SCN10A: variants seen among roughly 807,000 people sequenced by gnomAD.
The protein encoded by SCN10A is sodium voltage-gated channel alpha subunit 10, also known as sodium channel protein type 10 subunit alpha.
Under a neutral mutation model 170.7 loss-of-function variants are expected in SCN10A, and 162 were observed. That is an observed-to-expected ratio of 0.95 (90% confidence interval 0.84 to 1.08). The LOEUF is 1.08. SCN10A is among the 50% of genes least tolerant of loss of function. SCN10A has a pLI of 0.00. For missense variants in SCN10A, 2,527 were observed against 2,436.9 expected (o/e 1.04, Z -0.78); for synonymous variants, 985 against 904.6 (o/e 1.09, Z -1.59).
chr3:38,756,989 A>C, intron 9 of SCN10A, 29 bp downstream of exon 9: 1 of 1,603,208 alleles, frequency 6.2e-7, no homozygotes, highest in Non-Finnish European at 8.5e-7. Context: ...CCTCCAACCA[A>C]GTCTGCGTGG....
chr3:38,704,300 G>A (rs1000051769), intron 26 of SCN10A, among the ~76,000 whole-genome samples: 3 of 152,244 alleles, frequency 2.0e-5, no homozygotes, highest in African/African-American at 4.8e-5. Context: ...CCTGGGGCAG[G>A]AGGGGGATTG....
chr3:38,783,047 TCACA>T (rs2064157807), intron 4 of SCN10A, among the ~76,000 whole-genome samples: 1 of 152,218 alleles, frequency 6.6e-6, no homozygotes, highest in South Asian at 2.1e-4. Flanking sequence ...CCTTGTGTTC[TCACA>T]CAAAGGGGAG....
At chr3:38,806,263 G>A (rs934623432) in intron 1 of SCN10A, among the ~76,000 whole-genome samples, 1 of 152,198 alleles carries the variant, frequency 6.6e-6, no homozygotes, top group African/African-American at 2.4e-5. Context: ...AAACGAAGAT[G>A]AGGAGGATAA....
rs189504269 is a variant in SCN10A at position 38,793,383 on chromosome 3, C to T, written c.270+358G>A. On this transcript the variant is annotated intron_variant, in intron 2 of 27. Transcript: ENST00000449082. ...AATTCATCCTGCTTTCTGTCCTCACCGCCATGCTCCTCCCCCAACCTCAAG... is the reference window on the plus strand; with the variant it reads ...AATTCATCCTGCTTTCTGTCCTCACTGCCATGCTCCTCCCCCAACCTCAAG... Among the ~76,000 whole-genome samples, 448 of 152,188 alleles carry T rather than the reference C, an allele frequency of 2.9e-3. 2 individuals carry two copies. The highest frequency in any genetic ancestry group is 0.013 in the South Asian group (61 of 4,816).
chr3:38,710,525 AC>A (rs1206348354), intron 24 of SCN10A, among the ~76,000 whole-genome samples: 1 of 151,876 alleles, frequency 6.6e-6, no homozygotes, highest in African/African-American at 2.4e-5. Context: ...TTTAGCTACT[AC>A]CCTTGCTTTG....
chr3:38,713,814 G>T lies in SCN10A; in HGVS notation c.3804+144C>A, dbSNP rs1575940925. On this transcript the variant is annotated intron_variant, in intron 22 of 27. Transcript: ENST00000449082. ...TAGTGATTTTTGTACTTTTAGCAGA[G>T]ACAGGGTTTCGGCATGTTGGCCAGG... is the stretch of plus-strand genomic sequence containing the variant. The T allele has an allele frequency of 5.6e-6, 5 of 893,094 alleles. No individual in the cohort carries two copies. The East Asian group carries it at 1.3e-4, about 23-fold the overall frequency. The allele number at this position is 893,094 out of a possible 1,614,324, so 55.3% of individuals were successfully genotyped here. A position where few individuals can be genotyped will look rare whatever the true frequency, so the allele number is the denominator to read the frequency against.
At chr3:38,795,050 T>C (rs1363563739) in intron 1 of SCN10A, among the ~76,000 whole-genome samples, 2 of 152,172 alleles carry the variant, frequency 1.3e-5, no homozygotes, top group Non-Finnish European at 2.9e-5. Context: ...TCTCCTTGTC[T>C]GCCAGCTCTT....
At position 38,712,324 on chromosome 3, in the gene SCN10A, C is replaced by A; in HGVS notation, c.3926G>T (p.Arg1309Met). Residue 1309 changes from arginine (R) to methionine (M), a missense_variant, in exon 23 of 28, where the codon AGG becomes ATG. Transcript: ENST00000449082. The stretch of plus-strand genomic sequence containing the variant: ...CTCTCCATCGGTATAGTTGATGCAC[C>A]TCCAAAACTTCCCTGCGAAGAGGTT... ...GVNLFAGKFWRCINYTDGEFS... is the reference protein window; with the variant it reads ...GVNLFAGKFWMCINYTDGEFS... 1 of 1,614,180 alleles carries A rather than the reference C, an allele frequency of 6.2e-7. No individual in the cohort carries two copies. The highest frequency in any genetic ancestry group is 1.7e-5 in the Admixed American group (1 of 60,026).
Position 38,707,279 on chromosome 3 carries a change from C to T in SCN10A, c.4386G>A (p.Leu1462=), listed in dbSNP as rs1306366227. The change falls in exon 26 of 28, where the codon CTG becomes CTA. Residue 1462 remains leucine (L), a splice_region_variant and synonymous_variant. Coordinates refer to ENST00000449082, the MANE Select transcript of SCN10A (RefSeq NM_006514.4). ...GCTAGAGGAAACCTCTGGGGCTCAC[C>T]AGGGGCCGTGGGATGGGCTTCTGGG... The part of the protein sequence containing the change: ...KKPQKPIPRP[L]NKFQGFVFDI... 7 of 1,613,800 alleles carry T rather than the reference C, an allele frequency of 4.3e-6. No homozygotes were observed. The Admixed American group carries it at 1.0e-4, about 23-fold the overall frequency.
chr3:38,751,238 C>T (rs1026827816), intron 12 of SCN10A, among the ~76,000 whole-genome samples: 2 of 152,218 alleles, frequency 1.3e-5, no homozygotes, highest in Admixed American at 1.3e-4. Context: ...AGGGCAGCTG[C>T]TGCTGTAGTC....
intron 5 of SCN10A, among the ~76,000 whole-genome samples, chr3:38,768,303 C>CT (rs1223023307): frequency 1.3e-5 from 2 of 151,756 alleles, no homozygotes; most frequent in East Asian, 1.9e-4. Flanking sequence ...GCCTTAATTC[C>CT]TTTTTTTATT....
intron 1 of SCN10A, among the ~76,000 whole-genome samples, chr3:38,801,680 A>AT (rs2064371162): frequency 6.6e-6 from 1 of 151,966 alleles, no homozygotes; most frequent in South Asian, 2.1e-4. Context: ...TAAGAACCCA[A>AT]TAGAGGTCTT....
intron 13 of SCN10A, among the ~76,000 whole-genome samples, chr3:38,748,086 T>C (rs868691913): frequency 1.2e-4 from 19 of 152,250 alleles, no homozygotes; most frequent in Middle Eastern, 3.4e-3. Context: ...GGAGGAAGCT[T>C]AACAGTTTTC....
chr3:38,791,549 C>T (rs1300692334), intron 3 of SCN10A, among the ~76,000 whole-genome samples: 1 of 152,150 alleles, frequency 6.6e-6, no homozygotes, highest in Non-Finnish European at 1.5e-5. Flanking sequence ...GTGCTCTTCC[C>T]ATCATGGTCT....
At chr3:38,698,669 C>T in intron 27 of SCN10A, 107 bp from the exon 28 acceptor site, 1 of 1,077,608 alleles carries the variant, frequency 9.3e-7, no homozygotes, top group Non-Finnish European at 1.4e-6. Context: ...GCCACTTGGG[C>T]ATCCACATTT....
Position 38,698,129 on chromosome 3 carries a change from T to C in SCN10A, c.5091A>G (p.Val1697=). Residue 1697 remains valine (V), a synonymous_variant, in exon 28 of 28, where the codon GTA becomes GTG. Coordinates refer to ENST00000449082, the MANE Select transcript of SCN10A (RefSeq NM_006514.4). ...TGTAGGTGGTGAAGAAGATGATGCC[T>C]ACGGCTGGGCTCCCACAGTCCCCTC... The part of the protein sequence containing the change: ...GTRGDCGSPA[V]GIIFFTTYII... 1 of 1,614,118 alleles carries C rather than the reference T, an allele frequency of 6.2e-7. No homozygotes were observed.
intron 26 of SCN10A, 72 bp downstream of exon 26, chr3:38,707,207 G>T: frequency 6.6e-7 from 1 of 1,518,716 alleles, no homozygotes; most frequent in Non-Finnish European, 9.0e-7. Flanking sequence ...TCAGGCCCCT[G>T]CCTGACACAG....
chr3:38,752,592 A>T, intron 11 of SCN10A, 80 bp from the exon 12 acceptor site: 1 of 1,176,426 alleles, frequency 8.5e-7, no homozygotes, highest in Non-Finnish European at 1.2e-6. Context: ...CCCTCTACCT[A>T]CTCCCATTTC....
rs1023702776 is a variant in SCN10A at position 38,712,834 on chromosome 3, G to A, written c.3805-389C>T. Reference sequence around the variant, plus strand: ...ATTTAAATACAATTTAAAGTATGCCGTGGTCAAGAACCAGTGAAAACCTAA... The same window carrying A: ...ATTTAAATACAATTTAAAGTATGCCATGGTCAAGAACCAGTGAAAACCTAA... On this transcript the variant is annotated intron_variant, in intron 22 of 27. Transcript: ENST00000449082. Among the ~76,000 whole-genome samples the A allele has an allele frequency of 2.2e-4, 34 of 152,182 alleles. 1 individual carries two copies. The highest frequency in any genetic ancestry group is 8.8e-5 in the Non-Finnish European group (6 of 68,034).
Sources: gnomAD v4.1 joint callset for allele counts (sites outside exome capture counted in the v4.1 genomes callset) on GRCh38, gnomAD v4.1.1 for gene constraint, MANE v1.5 for transcripts, NCBI Gene and HGNC (gene_info 2026-07-23, HGNC 2026-07-21) for gene names.